Variants in COPG1 observed in about 807,000 individuals in gnomAD.
COPG1 encodes the protein coat protein complex I subunit gamma 1.
Under a neutral mutation model 102.8 loss-of-function variants are expected in COPG1, and 29 were observed. The ratio of observed to expected loss-of-function variants is 0.28; its 90% CI spans 0.21 to 0.38. The LOEUF (loss-of-function observed/expected upper bound fraction) is 0.38, where lower values mean the gene tolerates loss of function less well. Ranked by LOEUF, COPG1 falls within the 10% of genes least tolerant of loss-of-function variation. The pLI is 1.00. For missense variants in COPG1, 875 were observed against 1,132.7 expected (o/e 0.77, Z 3.27); for synonymous variants, 406 against 421.6 (o/e 0.96, Z 0.45).
intron 10 of COPG1, 92 bp downstream of exon 10, chr3:129,257,952 T>C (rs1939849257): frequency 1.3e-6 from 2 of 1,501,036 alleles, no homozygotes; most frequent in African/African-American, 1.4e-5. Context: ...AAGAAAATGC[T>C]CTTAACAAGT....
Position 129,260,536 on chromosome 3 carries a change from A to G in COPG1, c.940-83A>G. 6 of 1,531,810 alleles carry G rather than the reference A, an allele frequency of 3.9e-6. No individual in the cohort carries two copies. In the South Asian group the frequency reaches 5.8e-5, roughly 15 times the overall value. The allele number at this position is 1,531,810 out of a possible 1,614,324, so 94.9% of individuals were successfully genotyped here. A position where few individuals can be genotyped will look rare whatever the true frequency, so the allele number is the denominator to read the frequency against. Reference sequence around the variant, plus strand: ...CTAGATGGTGAGATGATCTCATCCAAAGGACTTCTGACTGGGCCAAACCAT... The same window carrying G: ...CTAGATGGTGAGATGATCTCATCCAGAGGACTTCTGACTGGGCCAAACCAT... On this transcript the variant is annotated intron_variant, in intron 11 of 23. Coordinates refer to ENST00000314797, the MANE Select transcript of COPG1 (RefSeq NM_016128.4).
chr3:129,255,792 G>A (rs1939798233), intron 7 of COPG1, among the ~76,000 whole-genome samples: 1 of 152,174 alleles, frequency 6.6e-6, no homozygotes, highest in South Asian at 2.1e-4. Context: ...CCAAAATAAA[G>A]TATTTCTGTA....
rs80019867 is a variant in COPG1 at position 129,254,755 on chromosome 3, C to T, written c.399+12C>T. The T allele has an allele frequency of 1.3e-4, 214 of 1,610,578 alleles. 1 individual carries two copies. In the Middle Eastern group the frequency reaches 1.8e-3, roughly 14 times the overall value. On this transcript the variant is annotated intron_variant, in intron 6 of 23. Coordinates refer to ENST00000314797, the MANE Select transcript of COPG1 (RefSeq NM_016128.4). ...GCCAGATCACTGATGTGAGTCGTGCCGGTTCCTCCCTGCTTCCTGGCCTCT... is the reference window on the plus strand; with the variant it reads ...GCCAGATCACTGATGTGAGTCGTGCTGGTTCCTCCCTGCTTCCTGGCCTCT...
At chr3:129,277,153 C>G (rs1456388732) in intron 23 of COPG1, 141 bp from the exon 24 acceptor site, 4 of 795,960 alleles carry the variant, frequency 5.0e-6, no homozygotes, top group African/African-American at 1.7e-5. Flanking sequence ...TGAAATCCCT[C>G]ACTCAGGGAT....
rs776776583 is a variant in COPG1, at chr3:129,271,869, G to A, written c.1946G>A (p.Arg649His). ...LTESETEYVIRCTKHTFTNHM... is the reference protein window; with the variant it reads ...LTESETEYVIHCTKHTFTNHM... ...GAGTCAGAGACGGAGTATGTCATCC[G>A]CTGCACCAAACACACCTTCACCAAC... The change falls in exon 19 of 24, where the codon CGC becomes CAC. Residue 649 changes from arginine (R) to histidine (H), a missense_variant. Coordinates refer to ENST00000314797, the MANE Select transcript of COPG1 (RefSeq NM_016128.4). This position sits in a 1 kb window ranked among gnomAD's most constrained non-coding sequence, Gnocchi z 4.7. 79 of 1,614,022 alleles carry A rather than the reference G, an allele frequency of 4.9e-5. No individual in the cohort carries two copies. Among genetic ancestry groups the A allele is most frequent in the Admixed American group, 6.7e-5 (4 of 59,992 alleles).
chr3:129,257,512 C>T lies in COPG1; in HGVS notation c.622C>T (p.Arg208Cys), dbSNP rs781312450. 1.1e-5 allele frequency: 17 copies of T among 1,614,070 alleles called. No individual in the cohort carries two copies. The highest frequency in any genetic ancestry group is 5.5e-5 in the South Asian group (5 of 91,092). ...GLLYHVRKND[R>C]LAVNKMISKV... Reference sequence around the variant, plus strand: ...CCTGTACCATGTGCGTAAGAATGACCGCCTAGCCGTCAATAAGATGATCAG... The same window carrying T: ...CCTGTACCATGTGCGTAAGAATGACTGCCTAGCCGTCAATAAGATGATCAG... Residue 208 changes from arginine to cysteine, a missense_variant, in exon 9 of 24, where the codon CGC becomes TGC. Physicochemically the swap from Arg to Cys is radical, Grantham distance 180. Transcript: ENST00000314797.
intron 13 of COPG1, among the ~76,000 whole-genome samples, chr3:129,265,009 C>T (rs574338618): frequency 2.6e-4 from 39 of 151,732 alleles, no homozygotes; most frequent in African/African-American, 8.5e-4. Context: ...TTAGTAGAGA[C>T]AGGGTTTTAC....
chr3:129,263,452 C>T (rs1050079915), intron 12 of COPG1, among the ~76,000 whole-genome samples: 18 of 152,092 alleles, frequency 1.2e-4, no homozygotes, highest in African/African-American at 4.1e-4. Flanking sequence ...ATATAAGAGG[C>T]GGTTAAAGCC....
chr3:129,277,287 C>T lies in COPG1; in HGVS notation c.2495-7C>T, dbSNP rs886250210. ...GTATATATCTGTACTTCTCTCTTCC[C>T]TTCTAGGTGTGTTCCGGGGTGGTCA... On this transcript the variant is annotated splice_region_variant and splice_polypyrimidine_tract_variant and intron_variant, in intron 23 of 23. Coordinates refer to ENST00000314797, the MANE Select transcript of COPG1 (RefSeq NM_016128.4). The T allele has an allele frequency of 5.0e-6, 8 of 1,613,580 alleles. No individual in the cohort carries two copies. In the Admixed American group the frequency reaches 8.3e-5, roughly 17 times the overall value.
intron 23 of COPG1, among the ~76,000 whole-genome samples, chr3:129,276,400 G>A (rs1940270265): frequency 6.6e-6 from 1 of 152,146 alleles, no homozygotes. Context: ...TGTAAATCCT[G>A]TATCTGTATG....
chr3:129,273,891 C>T (rs934837107), intron 21 of COPG1, among the ~76,000 whole-genome samples: 1 of 152,132 alleles, frequency 6.6e-6, no homozygotes, highest in African/African-American at 2.4e-5. Flanking sequence ...TATCTTAGCT[C>T]GGTGGAACTA....
intron 15 of COPG1, among the ~76,000 whole-genome samples, chr3:129,267,557 C>G (rs1275787041): frequency 6.6e-6 from 1 of 151,996 alleles, no homozygotes; most frequent in African/African-American, 2.4e-5. Context: ...GGAGATGGAG[C>G]TTGCAGTGAG....
intron 10 of COPG1, 65 bp from the exon 11 acceptor site, chr3:129,260,268 C>T: frequency 7.0e-7 from 1 of 1,432,878 alleles, no homozygotes; most frequent in South Asian, 1.2e-5. Flanking sequence ...AGAACAGTAG[C>T]CCCCGGTTTT....
Position 129,267,084 on chromosome 3 carries a change from T to C in COPG1, c.1529T>C (p.Leu510Ser). 6.2e-7 allele frequency: 1 copy of C among 1,613,738 alleles called. No individual in the cohort carries two copies. The highest frequency in any genetic ancestry group is 8.5e-7 in the Non-Finnish European group (1 of 1,179,796). ...AATGAAGAGATGTTACCCAGTATCT[T>C]GGTGTTGCTGAAGAGGTGAGTCTAG... is the stretch of plus-strand genomic sequence containing the variant. ...AQNEEMLPSI[L>S]VLLKRCVMDD... The change falls in exon 15 of 24, where the codon TTG (leucine) becomes TCG (serine). Residue 510 changes from leucine (L) to serine (S), a missense_variant. Leu to Ser is a moderately radical substitution (Grantham distance 145). Transcript: ENST00000314797.
chr3:129,260,431 C>T (rs765976698), intron 11 of COPG1, 31 bp downstream of exon 11: 4 of 1,604,712 alleles, frequency 2.5e-6, no homozygotes, highest in Non-Finnish European at 3.4e-6. Flanking sequence ...TTGGAGGAAG[C>T]TGTCTGATCC....
chr3:129,269,042 G>A lies in COPG1; in HGVS notation c.1843+42G>A, dbSNP rs1408323473. 1.9e-6 allele frequency: 3 copies of A among 1,551,340 alleles called. No individual in the cohort carries two copies. In the South Asian group the frequency reaches 3.3e-5, roughly 17 times the overall value. On this transcript the variant is annotated intron_variant, in intron 18 of 23. Transcript: ENST00000314797. The stretch of plus-strand genomic sequence containing the variant: ...GGGGGATGCTTGGGACCTGGGCTTA[G>A]TTTCCTCAGGGGGTTCAAGAGTAAG...
chr3:129,250,806 A>C (rs776645124), intron 2 of COPG1, 72 bp downstream of exon 2: 3 of 1,319,340 alleles, frequency 2.3e-6, no homozygotes, highest in African/African-American at 2.9e-5. Context: ...ATACCAACAC[A>C]TTCAAAGTGT....
chr3:129,261,741 G>A (rs754402925), intron 12 of COPG1, among the ~76,000 whole-genome samples: 4 of 152,098 alleles, frequency 2.6e-5, no homozygotes, highest in Non-Finnish European at 4.4e-5. Flanking sequence ...ACTCCTGTGT[G>A]TATATATGTG....
chr3:129,249,954 G>C (rs1444257729), intron 1 of COPG1, among the ~76,000 whole-genome samples: 2 of 142,582 alleles, frequency 1.4e-5, no homozygotes, highest in Admixed American at 1.4e-4. Flanking sequence ...TTTTCTGGGT[G>C]ACCTTGGGCG....
Sources: allele counts gnomAD v4.1 joint callset (sites outside exome capture counted in the v4.1 genomes callset), GRCh38; gene constraint gnomAD v4.1.1; non-coding constraint Gnocchi (gnomAD v3.1); transcripts MANE v1.5; gene names NCBI Gene and HGNC (gene_info 2026-07-23, HGNC 2026-07-21).